Variants in AMMECR1 observed in about 807,000 individuals in gnomAD.
AMMECR1 encodes AMMECR nuclear protein 1.
AMMECR1 carries 3 observed loss-of-function variants against 22.5 expected under a neutral mutation model. The observed-to-expected ratio is 0.13, with a 90% confidence interval of 0.06 to 0.35. The LOEUF (loss-of-function observed/expected upper bound fraction) is 0.35. AMMECR1 is among the 10% of genes least tolerant of loss of function. The pLI is 1.00. For synonymous variants in AMMECR1, 130 were observed against 116.7 expected (o/e 1.11, Z -0.74); for missense variants, 235 against 278.7 (o/e 0.84, Z 1.12).
chrX:110,405,959 T>C (rs1484364578), intron 2 of AMMECR1, among the ~76,000 whole-genome samples: 1 of 111,759 alleles, frequency 8.9e-6, no homozygotes, highest in Non-Finnish European at 1.9e-5. Flanking sequence ...TATGAGACTG[T>C]AATTACAGCA....
intron 2 of AMMECR1, among the ~76,000 whole-genome samples, chrX:110,256,139 CCTAGGCTATATGATATA>C (rs1478563451): frequency 1.8e-5 from 2 of 111,827 alleles, no homozygotes; most frequent in African/African-American, 6.5e-5. Flanking sequence ...CTACAACGTA[CCTAGGCTATATGATATA>C]GCCTATTGCT....
intron 1 of AMMECR1, among the ~76,000 whole-genome samples, chrX:110,286,152 T>G (rs1320835545): frequency 9.0e-6 from 1 of 111,707 alleles, no homozygotes; most frequent in African/African-American, 3.3e-5. Flanking sequence ...TGGCATAACG[T>G]CTAACGAACA....
At chrX:110,199,571 T>G (rs1200803453) in intron 5 of AMMECR1, among the ~76,000 whole-genome samples, 1 of 111,316 alleles carries the variant, frequency 9.0e-6, no homozygotes, top group East Asian at 2.8e-4. Context: ...ACTCCTCTTG[T>G]GGTCCCTACT....
intron 1 of AMMECR1, among the ~76,000 whole-genome samples, chrX:110,287,878 T>C (rs1176530790): frequency 8.9e-6 from 1 of 111,969 alleles, no homozygotes; most frequent in Non-Finnish European, 1.9e-5. Context: ...GTCAACTTAG[T>C]ACAAGAAACC....
chrX:110,334,805 G>T (rs1251781481), intron 2 of AMMECR1, among the ~76,000 whole-genome samples: 1 of 111,974 alleles, frequency 8.9e-6, no homozygotes, highest in African/African-American at 3.2e-5. Flanking sequence ...AGTTGCTGAT[G>T]CCTCATGTTC....
intron 2 of AMMECR1, among the ~76,000 whole-genome samples, chrX:110,328,603 C>A (rs1382350321): frequency 9.2e-6 from 1 of 108,630 alleles, no homozygotes; most frequent in African/African-American, 3.4e-5. Context: ...TCTCCTAATG[C>A]TATCCCTCCC....
intron 2 of AMMECR1, among the ~76,000 whole-genome samples, chrX:110,366,258 C>T (rs2068296472): frequency 8.9e-6 from 1 of 111,806 alleles, no homozygotes; most frequent in Non-Finnish European, 1.9e-5. Flanking sequence ...TAAAGAGCTC[C>T]ATGAACAAGC....
chrX:110,297,336 T>C (rs936552155), intron 1 of AMMECR1, among the ~76,000 whole-genome samples: 1 of 111,300 alleles, frequency 9.0e-6, no homozygotes, highest in African/African-American at 3.3e-5. Context: ...GTCCCGAGGA[T>C]AGGGCTTTTC....
intron 2 of AMMECR1, among the ~76,000 whole-genome samples, chrX:110,401,182 G>A (rs1385661388): frequency 8.9e-6 from 1 of 112,201 alleles, no homozygotes; most frequent in Non-Finnish European, 1.9e-5. Flanking sequence ...GGATTTGAAC[G>A]TAGGCTCCAA....
intron 2 of AMMECR1, among the ~76,000 whole-genome samples, chrX:110,350,702 C>T (rs779749267): frequency 9.0e-6 from 1 of 111,395 alleles, no homozygotes; most frequent in East Asian, 2.8e-4. Flanking sequence ...CATGGGGGCT[C>T]ATGCCTGTAA....
exon 2 of AMMECR1, chrX:110,426,747 C>T (rs1168647801): frequency 8.9e-6 from 1 of 111,756 alleles, no homozygotes; most frequent in East Asian, 2.8e-4. Flanking sequence ...CTTTTCCTTT[C>T]TAAGTACTTT....
chrX:110,418,631 C>T (rs921228039), intron 2 of AMMECR1, among the ~76,000 whole-genome samples: 1 of 111,583 alleles, frequency 9.0e-6, no homozygotes, highest in African/African-American at 3.3e-5. Flanking sequence ...CCCCAAACTG[C>T]CACGGTCTCC....
At chrX:110,319,159 T>G (rs747240075), upstream of AMMECR1, among the ~76,000 whole-genome samples, 1 of 112,337 alleles carries the variant, frequency 8.9e-6, no homozygotes, top group Non-Finnish European at 1.9e-5. Flanking sequence ...GACATATGAG[T>G]CAGTCCCTTT....
intron 2 of AMMECR1, among the ~76,000 whole-genome samples, chrX:110,421,774 G>A (rs770241450): frequency 1.8e-5 from 2 of 112,755 alleles, no homozygotes; most frequent in Non-Finnish European, 3.8e-5. Flanking sequence ...GCAGACACCT[G>A]TTCATCCCTC....
intron 2 of AMMECR1, among the ~76,000 whole-genome samples, chrX:110,247,703 A>C (rs1213350880): frequency 2.7e-5 from 3 of 110,612 alleles, no homozygotes; most frequent in Middle Eastern, 4.7e-3. Flanking sequence ...AAAAAAAAAA[A>C]ACAAACAAAA....
intron 2 of AMMECR1, among the ~76,000 whole-genome samples, chrX:110,374,808 T>A (rs2068364709): frequency 9.1e-6 from 1 of 109,527 alleles, no homozygotes; most frequent in Non-Finnish European, 1.9e-5. Context: ...TTGGGGTGGA[T>A]ATGTGGAGGG....
intron 2 of AMMECR1, among the ~76,000 whole-genome samples, chrX:110,329,595 AC>A (rs2068112419): frequency 1.8e-5 from 2 of 112,115 alleles, no homozygotes; most frequent in South Asian, 7.5e-4. Context: ...ATTACACTGA[AC>A]ACATAATTTT....
At chrX:110,423,394 GAGA>G (rs1222619746) in intron 2 of AMMECR1, among the ~76,000 whole-genome samples, 50 of 110,498 alleles carry the variant, frequency 4.5e-4, no homozygotes, top group African/African-American at 1.5e-3. Context: ...AGGAGAAGGA[GAGA>G]AGAAGAAGGA....
intron 1 of AMMECR1, among the ~76,000 whole-genome samples, chrX:110,438,587 G>A (rs2148338810): frequency 9.0e-6 from 1 of 111,578 alleles, no homozygotes; most frequent in Admixed American, 9.5e-5. Flanking sequence ...AGGCGGTAGT[G>A]AAGTCAGAAA....
Sources: gnomAD v4.1 joint callset for allele counts (sites outside exome capture counted in the v4.1 genomes callset) on GRCh38, gnomAD v4.1.1 for gene constraint, MANE v1.5 for transcripts, NCBI Gene and HGNC (gene_info 2026-07-23, HGNC 2026-07-21) for gene names.